Variants in CDH13 observed in about 807,000 individuals in gnomAD.
CDH13 encodes the protein cadherin-13.
A neutral mutation model predicts 63.8 loss-of-function variants in CDH13; 24 were observed. The ratio of observed to expected loss-of-function variants is 0.38; its 90% CI spans 0.27 to 0.53. The LOEUF is 0.53. Ranked by LOEUF, CDH13 falls within the 20% of genes least tolerant of loss-of-function variation. CDH13 has a pLI of 0.85. For missense variants in CDH13, 1,049 were observed against 903.1 expected (o/e 1.16, Z -2.07); for synonymous variants, 503 against 355.3 (o/e 1.42, Z -4.67).
intron 5 of CDH13, among the ~76,000 whole-genome samples, chr16:83,340,846 G>C (rs1377362663): frequency 6.6e-6 from 1 of 152,116 alleles, no homozygotes; most frequent in Non-Finnish European, 1.5e-5. Context: ...GTCATTTGTT[G>C]AGTGCCCCTC....
intron 5 of CDH13, among the ~76,000 whole-genome samples, chr16:83,272,838 A>T (rs1005176032): frequency 6.6e-6 from 1 of 152,190 alleles, no homozygotes; most frequent in African/African-American, 2.4e-5. Flanking sequence ...AAGAACAACT[A>T]TTCTGTGCAG....
chr16:83,063,099 C>A (rs531490796), intron 3 of CDH13, among the ~76,000 whole-genome samples: 2 of 151,920 alleles, frequency 1.3e-5, no homozygotes, highest in Non-Finnish European at 2.9e-5. Flanking sequence ...ATAGCTGAGA[C>A]TACAGGCACG....
At chr16:83,263,997 G>A (rs984681632) in intron 5 of CDH13, among the ~76,000 whole-genome samples, 2 of 152,164 alleles carry the variant, frequency 1.3e-5, no homozygotes, top group African/African-American at 4.8e-5. Flanking sequence ...TTCCTAGATA[G>A]ATTCCAAGAT....
At chr16:83,238,329 C>G (rs571260774) in intron 5 of CDH13, among the ~76,000 whole-genome samples, 3 of 152,264 alleles carry the variant, frequency 2.0e-5, no homozygotes, top group Middle Eastern at 6.8e-3. Context: ...TGGCGGCAGG[C>G]AAGAGAGCGT....
At chr16:83,393,875 G>A (rs2091835279) in intron 6 of CDH13, among the ~76,000 whole-genome samples, 1 of 152,136 alleles carries the variant, frequency 6.6e-6, no homozygotes, top group Non-Finnish European at 1.5e-5. Flanking sequence ...GAACTGTAGA[G>A]AGAAGCAAGC....
At chr16:83,167,120 G>A (rs2037711549) in intron 4 of CDH13, among the ~76,000 whole-genome samples, 1 of 151,710 alleles carries the variant, frequency 6.6e-6, no homozygotes, top group Non-Finnish European at 1.5e-5. Flanking sequence ...ATTGGCAAAC[G>A]TATTTGCAGT....
At chr16:82,940,744 T>C (rs1904277875) in intron 2 of CDH13, among the ~76,000 whole-genome samples, 1 of 152,204 alleles carries the variant, frequency 6.6e-6, no homozygotes, top group Non-Finnish European at 1.5e-5. Flanking sequence ...ATACAGGCCC[T>C]ATTCCTACTA....
At chr16:83,373,632 A>T (rs2091411699) in intron 6 of CDH13, among the ~76,000 whole-genome samples, 1 of 152,012 alleles carries the variant, frequency 6.6e-6, no homozygotes, top group Admixed American at 6.5e-5. Context: ...GTATGTGTTA[A>T]GACTATTAGG....
At chr16:83,316,861 G>T (rs964901865) in intron 5 of CDH13, among the ~76,000 whole-genome samples, 2 of 152,160 alleles carry the variant, frequency 1.3e-5, no homozygotes, top group Admixed American at 1.3e-4. Flanking sequence ...ATGTTGATCA[G>T]CTGAGCTTCA....
intron 4 of CDH13, among the ~76,000 whole-genome samples, chr16:83,191,820 T>C (rs1164320846): frequency 6.6e-6 from 1 of 151,918 alleles, no homozygotes. Flanking sequence ...GATTAGATGA[T>C]GCCCACCCAG....
In CDH13 at chr16:83,562,175, G is replaced by A. The variant is rs561040661; in HGVS notation, c.961-40279G>A. 9.2e-5 allele frequency among the ~76,000 whole-genome samples: 14 copies of A among 152,272 alleles called. 1 individual carries two copies. Among genetic ancestry groups the A allele is most frequent in the African/African-American group, 3.1e-4 (13 of 41,552 alleles). ...TGTTTTATTTGGAGGCTCTGACATA[G>A]TGGAACTCTGGGTGCCAAAGGGATA... On this transcript the variant is annotated intron_variant, in intron 7 of 13. Coordinates refer to ENST00000567109, the MANE Select transcript of CDH13 (RefSeq NM_001257.5).
chr16:82,690,452 G>C (rs757587010), intron 1 of CDH13, among the ~76,000 whole-genome samples: 3 of 152,124 alleles, frequency 2.0e-5, no homozygotes, highest in Non-Finnish European at 4.4e-5. Flanking sequence ...CTTAGGGCTG[G>C]TCTGTCTTTA....
rs560881698 is a variant in CDH13 at position 83,203,546 on chromosome 16, C to A, written c.484-13799C>A. Reference sequence around the variant, plus strand: ...CTAAAAATACAAAAAAATTAGCCGGCTGTCGTGGTGGGTGCCTGTAGTCCC... The same window carrying A: ...CTAAAAATACAAAAAAATTAGCCGGATGTCGTGGTGGGTGCCTGTAGTCCC... On this transcript the variant is annotated intron_variant, in intron 4 of 13. Transcript: ENST00000567109. Among the ~76,000 whole-genome samples the A allele has an allele frequency of 1.1e-3, 165 of 147,508 alleles. 1 individual carries two copies. Among genetic ancestry groups the A allele is most frequent in the Non-Finnish European group, 1.8e-3 (123 of 66,882 alleles).
chr16:83,521,991 T>A (rs2074848417), intron 7 of CDH13, among the ~76,000 whole-genome samples: 1 of 152,200 alleles, frequency 6.6e-6, no homozygotes, highest in South Asian at 2.1e-4. Flanking sequence ...GAGCCCCTCA[T>A]GTGAGGGATG....
intron 3 of CDH13, among the ~76,000 whole-genome samples, chr16:83,057,072 T>G (rs2031022372): frequency 6.6e-6 from 1 of 152,172 alleles, no homozygotes; most frequent in Admixed American, 6.5e-5. Flanking sequence ...GTTCAAGTGA[T>G]TCTCCTGCCT....
At position 83,656,637 on chromosome 16, in the gene CDH13, AT is replaced by A. The variant is rs563757352; in HGVS notation, c.1102-14150del. 2.3e-3 allele frequency among the ~76,000 whole-genome samples: 345 copies of A among 152,294 alleles called. 2 individuals carry two copies. The highest frequency in any genetic ancestry group is 7.9e-3 in the African/African-American group (327 of 41,560). On this transcript the variant is annotated intron_variant, in intron 8 of 13. Transcript: ENST00000567109. ...TTGTTACCCTTGAATGGTAAAGGTG[AT>A]TTAGTGGAATCTTGATCAAGGCTCC... is the stretch of plus-strand genomic sequence containing the variant.
chr16:83,234,536 A>G (rs899082212), intron 5 of CDH13, among the ~76,000 whole-genome samples: 1 of 152,156 alleles, frequency 6.6e-6, no homozygotes, highest in African/African-American at 2.4e-5. Context: ...GCTCCAGTGC[A>G]ACTGATGCTA....
rs34322579 is a variant in CDH13 at position 83,014,319 on chromosome 16, T to TAAAA, written c.158-17670_158-17667dup. Among the ~76,000 whole-genome samples, 316 of 67,202 alleles carry TAAAA rather than the reference T, an allele frequency of 4.7e-3. 3 individuals carry two copies. The highest frequency in any genetic ancestry group is 0.029 in the Middle Eastern group (3 of 104). 44.1% of individuals were successfully genotyped at this position (67,202 alleles called of 152,430 possible). On this transcript the variant is annotated intron_variant, in intron 2 of 13. Coordinates refer to ENST00000567109, the MANE Select transcript of CDH13 (RefSeq NM_001257.5). Reference sequence around the variant, plus strand: ...AGACAACTCTTAGAGCCCAAATCGATAAAAAAAAAAAAAAAAAAAAAAAAC... The same window carrying TAAAA: ...AGACAACTCTTAGAGCCCAAATCGATAAAAAAAAAAAAAAAAAAAAAAAAAAAAC...
intron 6 of CDH13, among the ~76,000 whole-genome samples, chr16:83,451,717 T>C (rs767970396): frequency 6.6e-6 from 1 of 152,166 alleles, no homozygotes; most frequent in Non-Finnish European, 1.5e-5. Context: ...GAGGTCCCAC[T>C]ATATTACCCA....
Sources: gnomAD v4.1 joint callset for allele counts (sites outside exome capture counted in the v4.1 genomes callset) on GRCh38, gnomAD v4.1.1 for gene constraint, MANE v1.5 for transcripts, NCBI Gene and HGNC (gene_info 2026-07-23, HGNC 2026-07-21) for gene names.